RBFOX1: variants seen among roughly 807,000 people sequenced by gnomAD.
The protein encoded by RBFOX1 is RNA binding protein fox-1 homolog 1.
A neutral mutation model predicts 57.7 loss-of-function variants in RBFOX1; 8 were observed. That is an observed-to-expected ratio of 0.14 (90% CI 0.08 to 0.25). The LOEUF is 0.25. RBFOX1 is among the 10% of genes least tolerant of loss of function. The pLI is 1.00. For missense variants in RBFOX1, 611 were observed against 548.5 expected (o/e 1.11, Z -1.14); for synonymous variants, 326 against 222.4 (o/e 1.47, Z -4.15).
chr16:6,354,920 A>G (rs2087015709), intron 2 of RBFOX1, among the ~76,000 whole-genome samples: 1 of 152,172 alleles, frequency 6.6e-6, no homozygotes, highest in Non-Finnish European at 1.5e-5. Flanking sequence ...CAGTGTTCAC[A>G]TAAGGAGACC....
chr16:6,305,919 T>C (rs1401850769), intron 1 of RBFOX1, among the ~76,000 whole-genome samples: 1 of 151,994 alleles, frequency 6.6e-6, no homozygotes, highest in Non-Finnish European at 1.5e-5. Context: ...ATGAGGTAGG[T>C]AGGAAGTTGA....
chr16:7,097,705 C>G (rs751565294), intron 4 of RBFOX1, among the ~76,000 whole-genome samples: 17 of 152,192 alleles, frequency 1.1e-4, no homozygotes, highest in Non-Finnish European at 2.1e-4. Context: ...GCTCCCCAAA[C>G]TTGCACAATG....
chr16:5,843,180 TA>T (rs2151850446), intron 3 of RBFOX1, among the ~76,000 whole-genome samples: 1 of 152,278 alleles, frequency 6.6e-6, no homozygotes, highest in South Asian at 2.1e-4. Context: ...TGTGCAGGTT[TA>T]TTATATAAGT....
At chr16:7,260,225 C>G (rs1326223605) in intron 4 of RBFOX1, among the ~76,000 whole-genome samples, 1 of 152,166 alleles carries the variant, frequency 6.6e-6, no homozygotes, top group Non-Finnish European at 1.5e-5. Context: ...AAAGTTGTTG[C>G]ATATAGAACA....
chr16:5,572,467 G>A (rs910604057), intron 2 of RBFOX1, among the ~76,000 whole-genome samples: 1 of 152,078 alleles, frequency 6.6e-6, no homozygotes, highest in Non-Finnish European at 1.5e-5. Context: ...TTCTGTACGT[G>A]GAAGGATGCT....
intron 4 of RBFOX1, among the ~76,000 whole-genome samples, chr16:5,870,779 A>G (rs1294220330): frequency 6.6e-6 from 1 of 152,166 alleles, no homozygotes; most frequent in Non-Finnish European, 1.5e-5. Flanking sequence ...TGCGTGATCC[A>G]TATTCATGGC....
intron 3 of RBFOX1, among the ~76,000 whole-genome samples, chr16:6,720,064 A>C (rs545525726): frequency 6.6e-6 from 1 of 152,154 alleles, no homozygotes; most frequent in South Asian, 2.1e-4. Flanking sequence ...ACTGCACTAC[A>C]CCCTGGGCGA....
intron 2 of RBFOX1, among the ~76,000 whole-genome samples, chr16:5,579,699 G>A (rs2046595595): frequency 6.6e-6 from 1 of 151,908 alleles, no homozygotes; most frequent in South Asian, 2.1e-4. Context: ...AAGCTCGCTT[G>A]ACTTTTCCTT....
At chr16:7,066,832 G>C (rs1265253574) in intron 4 of RBFOX1, among the ~76,000 whole-genome samples, 1 of 152,142 alleles carries the variant, frequency 6.6e-6, no homozygotes, top group Non-Finnish European at 1.5e-5. Flanking sequence ...TGTCAACTCT[G>C]TCTTCCCAGC....
chr16:7,273,985 A>G (rs2095391586), intron 4 of RBFOX1, among the ~76,000 whole-genome samples: 1 of 152,202 alleles, frequency 6.6e-6, no homozygotes, highest in African/African-American at 2.4e-5. Context: ...TAGTTCCTGA[A>G]CTGTGGTTGA....
chr16:7,369,795 G>A (rs998381994), intron 4 of RBFOX1, among the ~76,000 whole-genome samples: 7 of 152,128 alleles, frequency 4.6e-5, no homozygotes, highest in Non-Finnish European at 1.0e-4. Context: ...AATAATAATT[G>A]CAGTGATCAT....
At chr16:5,956,678 A>ATTTATATATATATATATATATTTTTTT (rs1555456300) in intron 4 of RBFOX1, among the ~76,000 whole-genome samples, 9 of 116,504 alleles carry the variant, frequency 7.7e-5, no homozygotes, top group African/African-American at 2.8e-4. Flanking sequence ...ATATATATAT[A>ATTTATATATATATATATATATTTTTTT]TTTTTTTTGA....
chr16:5,437,699 C>T (rs1486643935), intron 1 of RBFOX1, among the ~76,000 whole-genome samples: 4 of 152,054 alleles, frequency 2.6e-5, no homozygotes, highest in Admixed American at 6.6e-5. Context: ...CTATTTATGC[C>T]TACAAAAAAA....
intron 4 of RBFOX1, among the ~76,000 whole-genome samples, chr16:7,400,981 A>G (rs958958979): frequency 2.6e-5 from 4 of 152,212 alleles, no homozygotes; most frequent in Non-Finnish European, 5.9e-5. Context: ...CCAACCTTGG[A>G]ACCCCGCATG....
At chr16:7,212,744 A>C (rs4539616) in intron 4 of RBFOX1, among the ~76,000 whole-genome samples, 7 of 152,102 alleles carry the variant, frequency 4.6e-5, no homozygotes, top group African/African-American at 1.7e-4. Context: ...CCTAGATGAC[A>C]GGTTGATAGG....
Position 5,898,677 on chromosome 16 carries a change from A to C in RBFOX1, c.351+31342A>C, listed in dbSNP as rs558941458. On this transcript the variant is annotated intron_variant, in intron 4 of 19. Transcript: ENST00000641259. ...CCCAGGTAGTGAGTGGCAAGTCCAG[A>C]ATTTGATCTCAAGCCATTTGACTTC... 3.9e-5 allele frequency among the ~76,000 whole-genome samples: 6 copies of C among 152,124 alleles called. No individual in the cohort carries two copies. The East Asian group carries it at 9.7e-4, about 25-fold the overall frequency.
In RBFOX1 at chr16:5,606,882, G is replaced by A. The variant is rs187305578; in HGVS notation, c.318+7921G>A. Among the ~76,000 whole-genome samples, 13 of 152,288 alleles carry A rather than the reference G, an allele frequency of 8.5e-5. No individual in the cohort carries two copies. The East Asian group carries it at 2.5e-3, about 29-fold the overall frequency. ...TTGGGTCTGTTATAGTCTGGAAGAG[G>A]GGATGTCAGGGGTTGGCGGGAGAAG... On this transcript the variant is annotated intron_variant, in intron 3 of 19. Transcript: ENST00000641259.
chr16:6,701,561 G>A (rs1418866886), intron 3 of RBFOX1, among the ~76,000 whole-genome samples: 7 of 152,182 alleles, frequency 4.6e-5, no homozygotes, highest in Admixed American at 1.3e-4. Context: ...ATTTCTGGTG[G>A]AAGGTGAAGG....
At chr16:6,452,476 A>T (rs979113238) in intron 2 of RBFOX1, among the ~76,000 whole-genome samples, 1 of 152,072 alleles carries the variant, frequency 6.6e-6, no homozygotes, top group African/African-American at 2.4e-5. Context: ...CCATCCTTCC[A>T]TGACTCCAGT....
Sources: gnomAD v4.1 joint callset for allele counts (sites outside exome capture counted in the v4.1 genomes callset) on GRCh38, gnomAD v4.1.1 for gene constraint, MANE v1.5 for transcripts, NCBI Gene and HGNC (gene_info 2026-07-23, HGNC 2026-07-21) for gene names.